Variants in GALNT13 observed in about 807,000 individuals in gnomAD.
GALNT13 encodes UDP-GalNAc:polypeptide N-acetylgalactosaminyltransferase 13.
Under a neutral mutation model 64.2 loss-of-function variants are expected in GALNT13, and 28 were observed. The observed-to-expected ratio is 0.44, with a 90% CI of 0.32 to 0.60. The LOEUF is 0.60. Among genes scored for constraint, GALNT13 ranks in the 20% least tolerant of loss-of-function variants. GALNT13 has a pLI of 0.05. For synonymous variants in GALNT13, 214 were observed against 224.6 expected (o/e 0.95, Z 0.42); for missense variants, 577 against 669.8 (o/e 0.86, Z 1.53).
chr2:153,933,292 C>T lies in GALNT13; in HGVS notation c.-104-11102C>T, dbSNP rs965745533. Among the ~76,000 whole-genome samples, 6 of 152,116 alleles carry T rather than the reference C, an allele frequency of 3.9e-5. No individual in the cohort carries two copies. In the East Asian group the frequency reaches 1.2e-3, roughly 29 times the overall value. On this transcript the variant is annotated intron_variant, in intron 2 of 12. Transcript: ENST00000392825. The stretch of plus-strand genomic sequence containing the variant: ...GGTTCCTAAAAAGAGAATTTCTGTG[C>T]CCCAGTGTTGGTTGCAAATATAATA...
At chr2:153,830,399 AT>A in the GALNT13 span, among the ~76,000 whole-genome samples, 1 of 152,132 alleles carries the variant, frequency 6.6e-6, no homozygotes, top group East Asian at 1.9e-4. Flanking sequence ...TAATTCTAAA[AT>A]TTTTTTAAGG....
chr2:153,173,061 G>C, the GALNT13 span, among the ~76,000 whole-genome samples: 5 of 150,536 alleles, frequency 3.3e-5, no homozygotes, highest in African/African-American at 1.2e-4. Flanking sequence ...CAAGATATAT[G>C]TATATATCTT....
At chr2:153,785,991 C>T in the GALNT13 span, among the ~76,000 whole-genome samples, 2 of 151,730 alleles carry the variant, frequency 1.3e-5, no homozygotes, top group African/African-American at 4.8e-5. Context: ...CGAGCAGGGC[C>T]CCAAGCTTAT....
chr2:153,163,157 C>T, the GALNT13 span, among the ~76,000 whole-genome samples: 2 of 152,212 alleles, frequency 1.3e-5, no homozygotes, highest in East Asian at 3.9e-4. Flanking sequence ...ATTATATTTT[C>T]CATTTCTGGG....
the GALNT13 span, among the ~76,000 whole-genome samples, chr2:153,244,270 G>A: frequency 6.6e-6 from 1 of 152,080 alleles, no homozygotes; most frequent in South Asian, 2.1e-4. Context: ...TGATGACCTG[G>A]GATTCTATTT....
the GALNT13 span, among the ~76,000 whole-genome samples, chr2:153,637,315 C>G: frequency 6.6e-6 from 1 of 152,152 alleles, no homozygotes; most frequent in Non-Finnish European, 1.5e-5. Context: ...ATACTGCAAT[C>G]TATCACATGA....
intron 9 of GALNT13, among the ~76,000 whole-genome samples, chr2:154,349,411 G>T (rs74617696): frequency 6.6e-6 from 1 of 152,144 alleles, no homozygotes; most frequent in African/African-American, 2.4e-5. Context: ...TCTAGGTTTT[G>T]CTCCTCCCTG....
chr2:154,091,373 A>G (rs1283280809), intron 3 of GALNT13, among the ~76,000 whole-genome samples: 1 of 151,974 alleles, frequency 6.6e-6, no homozygotes, highest in Non-Finnish European at 1.5e-5. Flanking sequence ...TTATGTGTGT[A>G]AAACATGGTC....
chr2:153,826,911 C>T, the GALNT13 span, among the ~76,000 whole-genome samples: 1 of 152,068 alleles, frequency 6.6e-6, no homozygotes, highest in Admixed American at 6.5e-5. Flanking sequence ...GTTGCTGATG[C>T]AGAGGTACCA....
chr2:153,253,503 A>C, the GALNT13 span, among the ~76,000 whole-genome samples: 4 of 144,830 alleles, frequency 2.8e-5, no homozygotes, highest in East Asian at 7.8e-4. Context: ...TTCCAACACT[A>C]TGTTGAATAG....
chr2:153,258,010 A>C, the GALNT13 span, among the ~76,000 whole-genome samples: 2,804 of 152,226 alleles, frequency 0.018, 82 homozygotes, highest in African/African-American at 0.064. Flanking sequence ...AGGAGCCCCA[A>C]ATTATCTTGG....
At chr2:153,851,746 G>C in the GALNT13 span, among the ~76,000 whole-genome samples, 3 of 151,992 alleles carry the variant, frequency 2.0e-5, no homozygotes, top group South Asian at 6.2e-4. Flanking sequence ...CTATACAAAT[G>C]AATTAATAGC....
chr2:154,211,550 C>T (rs558716973), intron 4 of GALNT13, among the ~76,000 whole-genome samples: 1 of 141,324 alleles, frequency 7.1e-6, no homozygotes, highest in East Asian at 2.2e-4. Flanking sequence ...ATCGATTGAA[C>T]CCGGGAGGCA....
chr2:153,494,039 T>C, the GALNT13 span, among the ~76,000 whole-genome samples: 2 of 151,532 alleles, frequency 1.3e-5, no homozygotes, highest in East Asian at 3.9e-4. Flanking sequence ...CATTTTTGTA[T>C]AACAGCAACA....
intron 9 of GALNT13, among the ~76,000 whole-genome samples, chr2:154,394,189 G>A (rs983112495): frequency 1.3e-5 from 2 of 151,396 alleles, no homozygotes; most frequent in Non-Finnish European, 2.9e-5. Flanking sequence ...TTAGAGCAGA[G>A]GTTGGCCACT....
chr2:153,133,338 G>A, the GALNT13 span, among the ~76,000 whole-genome samples: 9 of 152,114 alleles, frequency 5.9e-5, no homozygotes, highest in Admixed American at 2.0e-4. Context: ...AGGGGCCTAT[G>A]CACTGGGAGG....
the GALNT13 span, among the ~76,000 whole-genome samples, chr2:153,108,373 A>C: frequency 1.3e-5 from 2 of 151,998 alleles, no homozygotes; most frequent in Non-Finnish European, 2.9e-5. Context: ...TATGATGGGC[A>C]ATCTGAATTT....
At chr2:153,380,523 A>G in the GALNT13 span, among the ~76,000 whole-genome samples, 11 of 152,124 alleles carry the variant, frequency 7.2e-5, no homozygotes, top group East Asian at 2.1e-3. Flanking sequence ...GTTATATGCA[A>G]ATACTACAGC....
the GALNT13 span, among the ~76,000 whole-genome samples, chr2:153,724,975 T>C: frequency 6.6e-6 from 1 of 151,636 alleles, no homozygotes; most frequent in Non-Finnish European, 1.5e-5. Context: ...CAAATGACTA[T>C]AAATCATGCT....
Sources: gnomAD v4.1 joint callset for allele counts (sites outside exome capture counted in the v4.1 genomes callset) on GRCh38, gnomAD v4.1.1 for gene constraint, MANE v1.5 for transcripts, NCBI Gene and HGNC (gene_info 2026-07-23, HGNC 2026-07-21) for gene names.